IRAK1BP1: variants seen among roughly 807,000 people sequenced by gnomAD.
IRAK1BP1 encodes the protein interleukin 1 receptor associated kinase 1 binding protein 1, also known as interleukin-1 receptor-associated kinase 1-binding protein 1.
Under a neutral mutation model 28.0 loss-of-function variants are expected in IRAK1BP1, and 24 were observed. The ratio of observed to expected loss-of-function variants is 0.86; its 90% CI spans 0.62 to 1.20. IRAK1BP1 has a LOEUF of 1.20. Among genes scored for constraint, IRAK1BP1 ranks in the 50% most tolerant of loss-of-function variants. The pLI is 0.00. For missense variants in IRAK1BP1, 336 were observed against 316.7 expected (o/e 1.06, Z -0.46); for synonymous variants, 131 against 116.3 (o/e 1.13, Z -0.81).
chr6:78,893,280 ATGTGTGTATATATGTG>A (rs1267405151), intron 2 of IRAK1BP1, among the ~76,000 whole-genome samples: 22 of 114,628 alleles, frequency 1.9e-4, no homozygotes, highest in Admixed American at 5.0e-4. Flanking sequence ...GTGTATATAT[ATGTGTGTATATATGTG>A]TGTGTGTGTG....
At chr6:78,936,453 C>T (rs915106325) in intron 4 of IRAK1BP1, 2 of 151,850 alleles carry the variant, frequency 1.3e-5, no homozygotes, top group African/African-American at 4.8e-5. Flanking sequence ...CTAATCAACA[C>T]ACACAATCTT....
intron 4 of IRAK1BP1, among the ~76,000 whole-genome samples, chr6:78,915,545 A>C (rs1274036520): frequency 6.6e-6 from 1 of 152,204 alleles, no homozygotes; most frequent in Non-Finnish European, 1.5e-5. Flanking sequence ...GCCAATAATG[A>C]GTACACAGGG....
At chr6:78,954,432 T>C in the IRAK1BP1 span, among the ~76,000 whole-genome samples, 12 of 152,120 alleles carry the variant, frequency 7.9e-5, no homozygotes. Context: ...ATATTCTCTT[T>C]ACATCTCCAT....
intron 4 of IRAK1BP1, chr6:78,936,331 C>T (rs1254714661): frequency 1.3e-5 from 2 of 151,864 alleles, no homozygotes; most frequent in Non-Finnish European, 2.9e-5. Context: ...TATCCTGTGA[C>T]AGGATTTAAG....
chr6:78,955,070 A>T, the IRAK1BP1 span: 1 of 929,662 alleles, frequency 1.1e-6, no homozygotes, highest in Non-Finnish European at 1.6e-6. Context: ...AATTCAAACA[A>T]AAGAAAATAT....
chr6:78,955,860 A>G, the IRAK1BP1 span: 3,489 of 352,092 alleles, frequency 9.9e-3, 101 homozygotes, highest in African/African-American at 0.067. Context: ...CCTCCACTCT[A>G]TGTAGAGCTT....
At chr6:78,947,230 C>T (rs141825110), downstream of IRAK1BP1, among the ~76,000 whole-genome samples, 101 of 152,240 alleles carry the variant, frequency 6.6e-4, 1 homozygote, top group South Asian at 7.9e-3. Context: ...TTTCTCATTT[C>T]GTTGCTATAT....
chr6:78,958,198 G>A, the IRAK1BP1 span: 1 of 238,308 alleles, frequency 4.2e-6, no homozygotes, highest in African/African-American at 2.2e-5. Context: ...GTTAGATTGA[G>A]AAAATAATCT....
intron 1 of IRAK1BP1, among the ~76,000 whole-genome samples, chr6:78,881,752 G>T (rs1771236989): frequency 6.6e-6 from 1 of 152,066 alleles, no homozygotes; most frequent in Non-Finnish European, 1.5e-5. Context: ...TTTTCCAAAG[G>T]GGTATTTGTT....
chr6:78,888,552 C>G (rs1349131105), intron 2 of IRAK1BP1, among the ~76,000 whole-genome samples: 2 of 148,664 alleles, frequency 1.3e-5, no homozygotes, highest in Non-Finnish European at 3.0e-5. Context: ...GAGTCTCACT[C>G]TGTCACCCAG....
exon 5 of IRAK1BP1, chr6:78,946,011 T>C: frequency 6.2e-7 from 1 of 1,604,614 alleles, no homozygotes; most frequent in Non-Finnish European, 8.5e-7. Context: ...TTGTTTTCCC[T>C]GGTATTGCAG....
At chr6:78,871,887 T>G in intron 1 of IRAK1BP1, 1 of 523,516 alleles carries the variant, frequency 1.9e-6, no homozygotes, top group Non-Finnish European at 3.3e-6. Context: ...ACTTCACATT[T>G]GTGTGCATGC....
At chr6:78,920,354 C>A (rs549168101) in intron 4 of IRAK1BP1, among the ~76,000 whole-genome samples, 2 of 152,122 alleles carry the variant, frequency 1.3e-5, no homozygotes, top group African/African-American at 4.8e-5. Flanking sequence ...AAAGAAAAAA[C>A]CCAAAGGAAT....
At chr6:78,891,446 C>A (rs1771657233) in intron 2 of IRAK1BP1, among the ~76,000 whole-genome samples, 1 of 150,978 alleles carries the variant, frequency 6.6e-6, no homozygotes, top group Admixed American at 6.7e-5. Context: ...CATGTTATAA[C>A]CTTAGTGTTT....
At chr6:78,891,109 C>G (rs1771643039) in intron 2 of IRAK1BP1, among the ~76,000 whole-genome samples, 1 of 152,112 alleles carries the variant, frequency 6.6e-6, no homozygotes, top group Non-Finnish European at 1.5e-5. Context: ...TTAATTTGAC[C>G]TATTTATTTG....
chr6:78,945,495 G>C, exon 5 of IRAK1BP1: 1 of 1,577,594 alleles, frequency 6.3e-7, no homozygotes, highest in Non-Finnish European at 8.7e-7. Context: ...GAATTCTCTA[G>C]TACTAAAACA....
At chr6:78,920,264 T>G (rs545341129) in intron 4 of IRAK1BP1, among the ~76,000 whole-genome samples, 97 of 151,882 alleles carry the variant, frequency 6.4e-4, no homozygotes, top group Middle Eastern at 3.4e-3. Flanking sequence ...AATAAAAAAT[T>G]TTACAAAATT....
At chr6:78,945,078 A>C (rs926441361) in intron 4 of IRAK1BP1, among the ~76,000 whole-genome samples, 10 of 150,426 alleles carry the variant, frequency 6.6e-5, no homozygotes, top group South Asian at 2.1e-4. Flanking sequence ...TTGAAGATTT[A>C]TTTCTTTTTT....
chr6:78,966,126 T>A, the IRAK1BP1 span: 1 of 968,044 alleles, frequency 1.0e-6, no homozygotes, highest in Non-Finnish European at 1.7e-6. Flanking sequence ...TTCCTAACGT[T>A]AACCTTTAAG....
Sources: allele counts gnomAD v4.1 joint callset (sites outside exome capture counted in the v4.1 genomes callset), GRCh38; gene constraint gnomAD v4.1.1; transcripts MANE v1.5; gene names NCBI Gene and HGNC (gene_info 2026-07-23, HGNC 2026-07-21).